The following SOS2 variants were observed in gnomAD, a reference collection of about 807,000 sequenced individuals.
The protein encoded by SOS2 is SOS Ras/Rho guanine nucleotide exchange factor 2.
A neutral mutation model predicts 148.2 loss-of-function variants in SOS2; 65 were observed. The ratio of observed to expected loss-of-function variants is 0.44; its 90% CI spans 0.36 to 0.54. The LOEUF (loss-of-function observed/expected upper bound fraction) is 0.54, where lower values mean the gene tolerates loss of function less well. SOS2 is among the 20% of genes least tolerant of loss of function. SOS2 has a pLI of 0.00. For synonymous variants in SOS2, 539 were observed against 537.1 expected, an observed-to-expected ratio of 1.00 and a Z score of -0.05; for missense variants, 1,341 against 1,590.2, an observed-to-expected ratio of 0.84 and a Z score of 2.67.
At chr14:50,201,191 G>C (rs938913511) in intron 2 of SOS2, 107 bp from the exon 3 acceptor site, 18 of 1,028,098 alleles carry the variant, frequency 1.8e-5, no homozygotes, top group Non-Finnish European at 2.2e-5. Context: ...GCAGATAATA[G>C]TGACACAATA....
At chr14:50,139,317 T>C (rs1484434477) in intron 17 of SOS2, among the ~76,000 whole-genome samples, 1 of 152,248 alleles carries the variant, frequency 6.6e-6, no homozygotes, top group East Asian at 1.9e-4. Context: ...GCGTAATTGC[T>C]GATTCATTTA....
At chr14:50,190,041 C>T (rs140716212) in intron 4 of SOS2, among the ~76,000 whole-genome samples, 1,615 of 151,524 alleles carry the variant, frequency 0.011, 17 homozygotes, top group Middle Eastern at 0.065. Context: ...TTAATAGAGA[C>T]GGGGTTTCAC....
intron 14 of SOS2, among the ~76,000 whole-genome samples, chr14:50,146,511 T>C (rs1286433885): frequency 6.6e-6 from 1 of 151,940 alleles, no homozygotes; most frequent in Non-Finnish European, 1.5e-5. Flanking sequence ...CCGGGCGTAG[T>C]AGTGCGTGCC....
intron 3 of SOS2, 102 bp downstream of exon 3, chr14:50,200,851 A>C: frequency 9.8e-7 from 1 of 1,021,552 alleles, no homozygotes; most frequent in South Asian, 1.5e-5. Flanking sequence ...GCACATATAC[A>C]CACTAACACA....
At chr14:50,214,136 A>T (rs990389761) in intron 1 of SOS2, among the ~76,000 whole-genome samples, 1 of 152,146 alleles carries the variant, frequency 6.6e-6, no homozygotes, top group Non-Finnish European at 1.5e-5. Flanking sequence ...AGAGCGAATT[A>T]TCTTTTTATT....
chr14:50,178,829 G>A (rs886780703), intron 7 of SOS2, among the ~76,000 whole-genome samples: 2 of 151,696 alleles, frequency 1.3e-5, no homozygotes, highest in African/African-American at 4.8e-5. Flanking sequence ...CGCCTCCCGG[G>A]TTCAAGCAAT....
intron 1 of SOS2, among the ~76,000 whole-genome samples, chr14:50,222,948 A>G (rs999187346): frequency 1.3e-5 from 2 of 152,226 alleles, no homozygotes; most frequent in East Asian, 1.9e-4. Context: ...AGTTGAAAAG[A>G]TATTTCAATA....
At chr14:50,146,930 C>T (rs906848703) in intron 14 of SOS2, among the ~76,000 whole-genome samples, 5 of 151,862 alleles carry the variant, frequency 3.3e-5, no homozygotes, top group African/African-American at 7.3e-5. Context: ...TGCAGTGGTG[C>T]GCACCTATAA....
chr14:50,204,890 C>T (rs77366782), intron 1 of SOS2, among the ~76,000 whole-genome samples: 4 of 53,560 alleles, frequency 7.5e-5, no homozygotes, highest in Admixed American at 2.3e-4. Flanking sequence ...ACCTTTTTTT[C>T]TTTTTTTTTC....
chr14:50,222,677 G>A (rs1375892974), intron 1 of SOS2, among the ~76,000 whole-genome samples: 1 of 152,204 alleles, frequency 6.6e-6, no homozygotes, highest in Non-Finnish European at 1.5e-5. Context: ...ACATGTCTAC[G>A]TTATAGAAAC....
chr14:50,167,831 G>C (rs941315484), intron 8 of SOS2, among the ~76,000 whole-genome samples: 69 of 146,902 alleles, frequency 4.7e-4, no homozygotes, highest in Non-Finnish European at 9.0e-4. Context: ...GATCACCACT[G>C]CACTCCAGCC....
At chr14:50,119,208 AC>A (rs1470500016) in intron 22 of SOS2, among the ~76,000 whole-genome samples, 1 of 152,224 alleles carries the variant, frequency 6.6e-6, no homozygotes, top group Non-Finnish European at 1.5e-5. Flanking sequence ...GCTTCTGCTT[AC>A]TGGGCATCTA....
intron 21 of SOS2, among the ~76,000 whole-genome samples, chr14:50,126,889 C>T (rs913424558): frequency 7.3e-6 from 1 of 136,256 alleles, no homozygotes; most frequent in Non-Finnish European, 1.6e-5. Flanking sequence ...ATTTAAAGGG[C>T]TCATTAAGTA....
intron 7 of SOS2, among the ~76,000 whole-genome samples, chr14:50,175,450 T>C (rs937405236): frequency 2.9e-5 from 4 of 138,612 alleles, no homozygotes; most frequent in Non-Finnish European, 4.7e-5. Context: ...TTTTTTTTTT[T>C]CCTGTTTGGT....
chr14:50,146,889 C>T (rs1005149963), intron 14 of SOS2, among the ~76,000 whole-genome samples: 8 of 151,956 alleles, frequency 5.3e-5, no homozygotes, highest in Admixed American at 2.6e-4. Context: ...TAAGTATATG[C>T]AGTTTAAAAA....
At chr14:50,126,686 C>T (rs1397488318) in intron 21 of SOS2, among the ~76,000 whole-genome samples, 1 of 150,432 alleles carries the variant, frequency 6.6e-6, no homozygotes, top group Non-Finnish European at 1.5e-5. Context: ...GGAAATCTTC[C>T]AGGAAAACAG....
At chr14:50,126,887 G>C (rs1883695460) in intron 21 of SOS2, among the ~76,000 whole-genome samples, 1 of 139,810 alleles carries the variant, frequency 7.2e-6, no homozygotes, top group South Asian at 2.3e-4. Flanking sequence ...AAATTTAAAG[G>C]GCTCATTAAG....
At chr14:50,162,695 T>C (rs1353442898) in intron 8 of SOS2, among the ~76,000 whole-genome samples, 1 of 152,196 alleles carries the variant, frequency 6.6e-6, no homozygotes, top group Non-Finnish European at 1.5e-5. Flanking sequence ...TGCTATTTTT[T>C]ACAATATGAA....
intron 21 of SOS2, among the ~76,000 whole-genome samples, chr14:50,120,766 G>T (rs1883476729): frequency 8.0e-6 from 1 of 124,992 alleles, no homozygotes; most frequent in African/African-American, 3.1e-5. Flanking sequence ...TTGAGACGGA[G>T]TCCCACTCTG....
Sources: allele counts gnomAD v4.1 joint callset (sites outside exome capture counted in the v4.1 genomes callset), GRCh38; gene constraint gnomAD v4.1.1; transcripts MANE v1.5; gene names NCBI Gene and HGNC (gene_info 2026-07-23, HGNC 2026-07-21).